Variants in THSD7B observed in about 807,000 individuals in gnomAD.
THSD7B encodes thrombospondin type 1 domain containing 7B, also known as thrombospondin type-1 domain-containing protein 7B.
Under a neutral mutation model 213.6 loss-of-function variants are expected in THSD7B, and 138 were observed. That is an observed-to-expected ratio of 0.65 (90% CI 0.56 to 0.74). The LOEUF (loss-of-function observed/expected upper bound fraction) is 0.74, where lower values mean the gene tolerates loss of function less well. Among genes scored for constraint, THSD7B ranks in the 30% least tolerant of loss-of-function variants. THSD7B has a pLI of 0.00. For synonymous variants in THSD7B, 742 were observed against 687.0 expected (o/e 1.08, Z -1.25); for missense variants, 1,931 against 1,991.5 (o/e 0.97, Z 0.58).
intron 2 of THSD7B, among the ~76,000 whole-genome samples, chr2:136,889,292 G>A (rs1315936630): frequency 6.6e-6 from 1 of 152,034 alleles, no homozygotes; most frequent in Admixed American, 6.6e-5. Flanking sequence ...TACATAAAGA[G>A]ACAGTTTCAG....
chr2:136,997,743 T>A (rs547774857), intron 2 of THSD7B, among the ~76,000 whole-genome samples: 1 of 152,240 alleles, frequency 6.6e-6, no homozygotes, highest in East Asian at 1.9e-4. Flanking sequence ...GGGAATGAGT[T>A]AATGACTCCT....
At chr2:137,314,874 C>T (rs937544403) in intron 12 of THSD7B, among the ~76,000 whole-genome samples, 1 of 152,228 alleles carries the variant, frequency 6.6e-6, no homozygotes, top group African/African-American at 2.4e-5. Flanking sequence ...TCTCAGATCT[C>T]CAGCTGCGTG....
intron 1 of THSD7B, among the ~76,000 whole-genome samples, chr2:136,784,630 A>C (rs539585634): frequency 4.6e-5 from 7 of 152,184 alleles, no homozygotes; most frequent in Non-Finnish European, 8.8e-5. Flanking sequence ...AAAACCTTGA[A>C]TCGTTTTCTA....
intron 12 of THSD7B, among the ~76,000 whole-genome samples, chr2:137,303,285 G>A (rs1683649650): frequency 6.6e-6 from 1 of 152,134 alleles, no homozygotes; most frequent in Admixed American, 6.5e-5. Context: ...GCCTCCCAAA[G>A]TTTTGAGATG....
intron 11 of THSD7B, 90 bp downstream of exon 11, chr2:137,272,752 ATAAGTAAG>A: frequency 2.2e-6 from 3 of 1,384,988 alleles, no homozygotes. Context: ...TTGGTGAAAA[ATAAGTAAG>A]AGGGGATCTG....
chr2:136,928,878 C>CT (rs1444879152), intron 2 of THSD7B, among the ~76,000 whole-genome samples: 1 of 151,994 alleles, frequency 6.6e-6, no homozygotes, highest in Non-Finnish European at 1.5e-5. Context: ...AATCACTTCC[C>CT]TTTTTTCCCT....
At chr2:137,380,558 T>A (rs1239687336) in intron 12 of THSD7B, among the ~76,000 whole-genome samples, 1 of 152,196 alleles carries the variant, frequency 6.6e-6, no homozygotes, top group Non-Finnish European at 1.5e-5. Context: ...GAAAGGGATG[T>A]GAAGACACTC....
At chr2:136,833,899 AG>A (rs1682800447) in intron 1 of THSD7B, among the ~76,000 whole-genome samples, 1 of 152,230 alleles carries the variant, frequency 6.6e-6, no homozygotes, top group Non-Finnish European at 1.5e-5. Flanking sequence ...ATTCACTAAA[AG>A]TTTCACTCAT....
chr2:137,333,338 T>C (rs963417963), intron 12 of THSD7B, among the ~76,000 whole-genome samples: 3 of 152,224 alleles, frequency 2.0e-5, no homozygotes, highest in Non-Finnish European at 2.9e-5. Context: ...TGTATGGAAA[T>C]CAAATGATAC....
intron 15 of THSD7B, among the ~76,000 whole-genome samples, chr2:137,549,648 T>TA: frequency 6.6e-6 from 1 of 152,090 alleles, no homozygotes; most frequent in East Asian, 1.9e-4. Context: ...TAATCTTGCA[T>TA]AACTGAAGTT....
intron 14 of THSD7B, among the ~76,000 whole-genome samples, chr2:137,444,206 T>C (rs1043019492): frequency 1.3e-5 from 2 of 152,036 alleles, no homozygotes; most frequent in Non-Finnish European, 2.9e-5. Flanking sequence ...CAACTTCTTT[T>C]CATGAATGGT....
At chr2:136,957,433 C>G (rs1029644471) in intron 2 of THSD7B, among the ~76,000 whole-genome samples, 1 of 116,232 alleles carries the variant, frequency 8.6e-6, no homozygotes, top group Admixed American at 8.1e-5. Flanking sequence ...TGGGCCAATA[C>G]AACGTTTTTT....
intron 5 of THSD7B, among the ~76,000 whole-genome samples, chr2:137,135,744 A>C (rs1035442133): frequency 6.6e-6 from 1 of 152,170 alleles, no homozygotes; most frequent in African/African-American, 2.4e-5. Context: ...TCAGTCTCTG[A>C]ACATAGTCTC....
Position 137,419,212 on chromosome 2 carries a change from C to T in THSD7B, c.2959+7340C>T, listed in dbSNP as rs563892856. Among the ~76,000 whole-genome samples, 6 of 151,328 alleles carry T rather than the reference C, an allele frequency of 4.0e-5. No individual in the cohort carries two copies. The East Asian group carries it at 6.0e-4, about 15-fold the overall frequency. Reference sequence around the variant, plus strand: ...CATGAACCACCATGCCCAGCTATACCACATTTTTGATGCAGGATTTTTCTT... The same window carrying T: ...CATGAACCACCATGCCCAGCTATACTACATTTTTGATGCAGGATTTTTCTT... On this transcript the variant is annotated intron_variant, in intron 14 of 27. Coordinates refer to ENST00000409968, the MANE Select transcript of THSD7B (RefSeq NM_001316349.2).
intron 12 of THSD7B, among the ~76,000 whole-genome samples, chr2:137,387,886 ATAT>A (rs1427683486): frequency 6.6e-6 from 1 of 152,142 alleles, no homozygotes; most frequent in Non-Finnish European, 1.5e-5. Context: ...GAAAACTATA[ATAT>A]TGTGCTACTG....
intron 13 of THSD7B, among the ~76,000 whole-genome samples, chr2:137,410,808 A>G (rs902229285): frequency 6.6e-6 from 1 of 152,220 alleles, no homozygotes; most frequent in Non-Finnish European, 1.5e-5. Context: ...TGAGAAAACA[A>G]AAGGTGGAAT....
At chr2:136,788,207 T>C (rs1681903498) in intron 1 of THSD7B, among the ~76,000 whole-genome samples, 1 of 152,186 alleles carries the variant, frequency 6.6e-6, no homozygotes, top group Non-Finnish European at 1.5e-5. Context: ...GGGGTTAAAG[T>C]GCCCGCTGGG....
Position 136,952,918 on chromosome 2 carries a change from G to T in THSD7B, c.139+70601G>T, listed in dbSNP as rs114465811. Reference sequence around the variant, plus strand: ...ATGGGAATAAAAAATTCATAAACCAGTTAGAATTACAGTTTCATGTGGATT... The same window carrying T: ...ATGGGAATAAAAAATTCATAAACCATTTAGAATTACAGTTTCATGTGGATT... On this transcript the variant is annotated intron_variant, in intron 2 of 27. Transcript: ENST00000409968. Among the ~76,000 whole-genome samples the T allele has an allele frequency of 6.7e-3, 1,016 of 152,204 alleles. 11 individuals are homozygous for T. The highest frequency in any genetic ancestry group is 0.023 in the African/African-American group (970 of 41,536).
chr2:137,333,617 G>T (rs1247234280), intron 12 of THSD7B, among the ~76,000 whole-genome samples: 1 of 152,122 alleles, frequency 6.6e-6, no homozygotes, highest in Non-Finnish European at 1.5e-5. Flanking sequence ...GACTGCTAAG[G>T]TCTCCCTATG....
Sources: allele counts gnomAD v4.1 joint callset (sites outside exome capture counted in the v4.1 genomes callset), GRCh38; gene constraint gnomAD v4.1.1; transcripts MANE v1.5; gene names NCBI Gene and HGNC (gene_info 2026-07-23, HGNC 2026-07-21).